The following KAZN variants were observed in gnomAD, a reference collection of about 807,000 sequenced individuals.
KAZN encodes kazrin, periplakin interacting protein.
A neutral mutation model predicts 87.4 loss-of-function variants in KAZN; 40 were observed. That is an observed-to-expected ratio of 0.46 (90% confidence interval 0.36 to 0.60). The LOEUF (loss-of-function observed/expected upper bound fraction) is 0.60. Among genes scored for constraint, KAZN ranks in the 20% least tolerant of loss-of-function variants. KAZN has a pLI of 0.00. For synonymous variants in KAZN, 466 were observed against 458.3 expected (o/e 1.02, Z -0.22); for missense variants, 898 against 1,073.9 (o/e 0.84, Z 2.29).
upstream of KAZN, among the ~76,000 whole-genome samples, chr1:14,594,611 T>C (rs1676378696): frequency 2.6e-5 from 4 of 152,266 alleles, no homozygotes; most frequent in South Asian, 8.3e-4. Context: ...GGGTGTGAGA[T>C]TGGGACTATT....
At chr1:14,702,075 T>C (rs971746484) in intron 1 of KAZN, among the ~76,000 whole-genome samples, 1 of 152,222 alleles carries the variant, frequency 6.6e-6, no homozygotes, top group African/African-American at 2.4e-5. Flanking sequence ...TACATGGGTC[T>C]GCTTTCTGGT....
intron 1 of KAZN, among the ~76,000 whole-genome samples, chr1:14,065,700 G>T (rs967456140): frequency 6.6e-6 from 1 of 152,092 alleles, no homozygotes; most frequent in Middle Eastern, 3.4e-3. Flanking sequence ...TGTTCCAATC[G>T]ATATGCAAGG....
At chr1:14,006,530 T>A (rs1384873553) in intron 1 of KAZN, among the ~76,000 whole-genome samples, 2 of 152,224 alleles carry the variant, frequency 1.3e-5, no homozygotes, top group Non-Finnish European at 2.9e-5. Context: ...TTGTGTAAGA[T>A]TAGGGTCCAG....
chr1:14,448,939 C>G (rs924937943), intron 2 of KAZN, among the ~76,000 whole-genome samples: 1 of 152,188 alleles, frequency 6.6e-6, no homozygotes, highest in Non-Finnish European at 1.5e-5. Context: ...ACCCAATCCC[C>G]TTATTATACA....
intron 1 of KAZN, among the ~76,000 whole-genome samples, chr1:13,907,196 A>G (rs1639471189): frequency 6.6e-6 from 1 of 152,168 alleles, no homozygotes; most frequent in Admixed American, 6.5e-5. Context: ...CCACCATGCA[A>G]TAGAATCTTC....
intron 1 of KAZN, among the ~76,000 whole-genome samples, chr1:14,728,901 C>T (rs957068825): frequency 2.0e-5 from 3 of 152,154 alleles, no homozygotes; most frequent in African/African-American, 4.8e-5. Context: ...GTTTGGCCTC[C>T]GTTTAAACAC....
chr1:13,970,228 G>A (rs2101047350), intron 1 of KAZN, among the ~76,000 whole-genome samples: 1 of 152,328 alleles, frequency 6.6e-6, no homozygotes, highest in South Asian at 2.1e-4. Flanking sequence ...ATGGCAGAAA[G>A]TGATATCTGT....
chr1:14,508,761 C>T (rs1010198251), intron 2 of KAZN, among the ~76,000 whole-genome samples: 2 of 152,194 alleles, frequency 1.3e-5, no homozygotes, highest in African/African-American at 4.8e-5. Flanking sequence ...CGCCCGTTCT[C>T]CCTTCATGGT....
intron 1 of KAZN, among the ~76,000 whole-genome samples, chr1:13,974,469 G>A (rs1642245336): frequency 6.6e-6 from 1 of 152,190 alleles, no homozygotes; most frequent in Non-Finnish European, 1.5e-5. Flanking sequence ...AATTAATTAA[G>A]GATCTTGGGA....
intron 1 of KAZN, among the ~76,000 whole-genome samples, chr1:14,086,768 G>A (rs181544891): frequency 3.5e-4 from 54 of 152,200 alleles, no homozygotes; most frequent in African/African-American, 1.1e-3. Flanking sequence ...GTCTAGATAC[G>A]GATATCCAAT....
chr1:14,234,208 AC>A (rs1648153548), intron 2 of KAZN, among the ~76,000 whole-genome samples: 3 of 152,192 alleles, frequency 2.0e-5, no homozygotes, highest in East Asian at 1.9e-4. Context: ...ACCATGGAAT[AC>A]TATACTATGC....
intron 2 of KAZN, among the ~76,000 whole-genome samples, chr1:14,298,999 G>A (rs1654334289): frequency 6.6e-6 from 1 of 152,200 alleles, no homozygotes; most frequent in African/African-American, 2.4e-5. Context: ...CCGTTAGGAG[G>A]TGGCAGGTGG....
At chr1:14,063,139 G>T (rs1642861391) in intron 1 of KAZN, among the ~76,000 whole-genome samples, 1 of 152,082 alleles carries the variant, frequency 6.6e-6, no homozygotes, top group African/African-American at 2.4e-5. Context: ...TTGAACTCTT[G>T]GTTACCTGCC....
At chr1:14,774,858 A>G (rs1278415097) in intron 1 of KAZN, among the ~76,000 whole-genome samples, 2 of 152,072 alleles carry the variant, frequency 1.3e-5, no homozygotes, top group Admixed American at 1.3e-4. Flanking sequence ...GTGGTACATC[A>G]TCTACCTGTG....
chr1:14,258,361 GC>G lies in KAZN; in HGVS notation c.249+77772del, dbSNP rs769105539. Among the ~76,000 whole-genome samples the G allele has an allele frequency of 3.0e-4, 44 of 149,020 alleles. 1 individual carries two copies. Among genetic ancestry groups the G allele is most frequent in the Non-Finnish European group, 4.7e-4 (32 of 67,480 alleles). Reference sequence around the variant, plus strand: ...CTCCCGAGTAGCTGGGACTACAAGTGCCCGCCACCACGCCTGGCTAAATTTT... The same window carrying G: ...CTCCCGAGTAGCTGGGACTACAAGTGCCGCCACCACGCCTGGCTAAATTTT... On this transcript the variant is annotated intron_variant, in intron 2 of 16. Coordinates refer to the KAZN transcript ENST00000636203.
At chr1:14,031,799 A>G (rs1641339266) in intron 1 of KAZN, among the ~76,000 whole-genome samples, 1 of 152,344 alleles carries the variant, frequency 6.6e-6, no homozygotes, top group Admixed American at 6.5e-5. Flanking sequence ...TCAGATGAAG[A>G]AACAGGTATT....
intron 10 of KAZN, among the ~76,000 whole-genome samples, chr1:15,095,360 C>T (rs967784951): frequency 5.3e-5 from 8 of 152,080 alleles, no homozygotes; most frequent in Non-Finnish European, 1.2e-4. Flanking sequence ...ATCAAGTAGG[C>T]GTGAGTGGGC....
Position 14,370,196 on chromosome 1 carries a change from G to T in KAZN, c.249+189604G>T, listed in dbSNP as rs547502357. On this transcript the variant is annotated intron_variant, in intron 2 of 16. Coordinates refer to the KAZN transcript ENST00000636203. ...AAGACCAAGGCTTGAGGGAGAGCAG[G>T]GTTGGGAGGTGGGCAGGGAGATGGG... 2.6e-5 allele frequency among the ~76,000 whole-genome samples: 4 copies of T among 152,352 alleles called. No individual in the cohort carries two copies. The South Asian group carries it at 8.3e-4, about 32-fold the overall frequency.
rs75368164 is a variant in KAZN at position 14,474,304 on chromosome 1, T to TA, written c.250-124669dup. ...ATTTATGATAGGGGTAAACGTACTTTAAAAAAAAAAGTAGAACAGTGAACT... is the reference window on the plus strand; with the variant it reads ...ATTTATGATAGGGGTAAACGTACTTTAAAAAAAAAAAGTAGAACAGTGAACT... On this transcript the variant is annotated intron_variant, in intron 2 of 16. Transcript: ENST00000636203. Among the ~76,000 whole-genome samples the TA allele has an allele frequency of 3.0e-3, 445 of 148,830 alleles. 1 individual carries two copies. Among genetic ancestry groups the TA allele is most frequent in the African/African-American group, 0.01 (407 of 40,664 alleles).
Sources: gnomAD v4.1 joint callset for allele counts (sites outside exome capture counted in the v4.1 genomes callset) on GRCh38, gnomAD v4.1.1 for gene constraint, MANE v1.5 for transcripts, NCBI Gene and HGNC (gene_info 2026-07-23, HGNC 2026-07-21) for gene names.